KCNMB2: variants seen among roughly 807,000 people sequenced by gnomAD.
KCNMB2 encodes calcium-activated potassium channel subunit beta-2.
KCNMB2 carries 9 observed loss-of-function variants against 24.5 expected under a neutral mutation model. The observed-to-expected ratio is 0.37, with a 90% CI of 0.22 to 0.64. KCNMB2 has a LOEUF of 0.64. Among genes scored for constraint, KCNMB2 ranks in the 30% least tolerant of loss-of-function variants. KCNMB2 has a pLI of 0.63. For missense variants in KCNMB2, 226 were observed against 284.3 expected, an observed-to-expected ratio of 0.79 and a Z score of 1.47; for synonymous variants, 109 against 104.4, an observed-to-expected ratio of 1.04 and a Z score of -0.27.
At chr3:178,717,105 T>C (rs1409039745) in intron 1 of KCNMB2, among the ~76,000 whole-genome samples, 1 of 150,392 alleles carries the variant, frequency 6.6e-6, no homozygotes, top group Non-Finnish European at 1.5e-5. Context: ...TAACCTAAAA[T>C]AAGTATATGT....
At chr3:178,632,629 A>G (rs990059068) in intron 1 of KCNMB2, among the ~76,000 whole-genome samples, 1 of 152,148 alleles carries the variant, frequency 6.6e-6, no homozygotes, top group African/African-American at 2.4e-5. Context: ...CATGGGGATT[A>G]CGGGAACTAC....
chr3:178,785,332 C>T (rs1713056948), intron 1 of KCNMB2, among the ~76,000 whole-genome samples: 2 of 151,756 alleles, frequency 1.3e-5, no homozygotes, highest in Admixed American at 6.6e-5. Context: ...TCTAATAATA[C>T]AATTTAAAAT....
intron 1 of KCNMB2, among the ~76,000 whole-genome samples, chr3:178,656,380 A>C (rs2108565994): frequency 6.6e-6 from 1 of 152,364 alleles, no homozygotes; most frequent in Admixed American, 6.5e-5. Flanking sequence ...TTATCACCTG[A>C]GAATTCTTCT....
chr3:178,667,648 C>A (rs993115222), intron 1 of KCNMB2, among the ~76,000 whole-genome samples: 3 of 152,078 alleles, frequency 2.0e-5, no homozygotes, highest in Non-Finnish European at 4.4e-5. Flanking sequence ...AAAAAAGAGG[C>A]TTTAGAAGAA....
intron 1 of KCNMB2, among the ~76,000 whole-genome samples, chr3:178,545,456 C>T (rs1174430011): frequency 6.6e-6 from 1 of 152,170 alleles, no homozygotes; most frequent in Non-Finnish European, 1.5e-5. Flanking sequence ...AAATATCTCT[C>T]AAAGTAAAAC....
intron 1 of KCNMB2, among the ~76,000 whole-genome samples, chr3:178,620,973 T>A (rs934766214): frequency 1.3e-5 from 2 of 152,210 alleles, no homozygotes; most frequent in African/African-American, 4.8e-5. Flanking sequence ...TATCACTGTA[T>A]GCTTGGCTAA....
chr3:178,643,825 T>A (rs1332096617), intron 1 of KCNMB2, among the ~76,000 whole-genome samples: 1 of 152,220 alleles, frequency 6.6e-6, no homozygotes, highest in African/African-American at 2.4e-5. Context: ...CCTGTTGTGA[T>A]ACCACTTCCC....
In KCNMB2 at chr3:178,658,718, C is replaced by T. The variant is rs554348162; in HGVS notation, c.-68+122007C>T. 3.3e-5 allele frequency among the ~76,000 whole-genome samples: 5 copies of T among 152,316 alleles called. No homozygotes were observed. The East Asian group carries it at 7.7e-4, about 23-fold the overall frequency. ...AGGGCCATGCCTTCTGCTTTCTTTA[C>T]TTCATCCAGACTCCTCTAGCTAGTA... On this transcript the variant is annotated intron_variant, in intron 1 of 4. Transcript: ENST00000452583.
chr3:178,662,956 C>T (rs1720588180), intron 1 of KCNMB2, among the ~76,000 whole-genome samples: 1 of 152,070 alleles, frequency 6.6e-6, no homozygotes. Flanking sequence ...AACACAGTAG[C>T]TTAAAACAAT....
intron 1 of KCNMB2, among the ~76,000 whole-genome samples, chr3:178,794,109 G>A (rs1302611153): frequency 6.6e-6 from 1 of 152,138 alleles, no homozygotes; most frequent in Non-Finnish European, 1.5e-5. Context: ...GTACAGAGGT[G>A]AACACTAAGG....
chr3:178,634,193 G>T (rs766002913), intron 1 of KCNMB2, among the ~76,000 whole-genome samples: 1 of 152,104 alleles, frequency 6.6e-6, no homozygotes. Flanking sequence ...CCCTTCAAAT[G>T]GTTCCCACCT....
chr3:178,557,943 C>T (rs572190362), intron 1 of KCNMB2, among the ~76,000 whole-genome samples: 1 of 152,300 alleles, frequency 6.6e-6, no homozygotes, highest in South Asian at 2.1e-4. Flanking sequence ...GTGCCTTCAG[C>T]TCCTGCACAC....
At chr3:178,632,141 A>C (rs1407017863) in intron 1 of KCNMB2, among the ~76,000 whole-genome samples, 1 of 152,240 alleles carries the variant, frequency 6.6e-6, no homozygotes. Context: ...GGAAATGTAC[A>C]TATCTCAACA....
At chr3:178,698,744 G>A (rs900185875) in intron 1 of KCNMB2, among the ~76,000 whole-genome samples, 3 of 152,056 alleles carry the variant, frequency 2.0e-5, no homozygotes, top group African/African-American at 7.2e-5. Context: ...CATCTTTGTG[G>A]GTTTATCTAC....
chr3:178,767,710 C>T (rs565129719), intron 1 of KCNMB2, among the ~76,000 whole-genome samples: 1 of 152,276 alleles, frequency 6.6e-6, no homozygotes, highest in South Asian at 2.1e-4. Flanking sequence ...GTGAGTGGGA[C>T]TATTTGAGGT....
At chr3:178,648,492 T>C (rs2108556396) in intron 1 of KCNMB2, among the ~76,000 whole-genome samples, 1 of 152,316 alleles carries the variant, frequency 6.6e-6, no homozygotes, top group South Asian at 2.1e-4. Context: ...CTGTGAGCTA[T>C]GATCATGCCA....
chr3:178,551,918 T>A (rs936305659), intron 1 of KCNMB2, among the ~76,000 whole-genome samples: 1 of 152,144 alleles, frequency 6.6e-6, no homozygotes, highest in African/African-American at 2.4e-5. Flanking sequence ...TTTGACACAC[T>A]TTCTCCCTAG....
chr3:178,646,645 G>A (rs1455851622), intron 1 of KCNMB2, among the ~76,000 whole-genome samples: 1 of 152,200 alleles, frequency 6.6e-6, no homozygotes, highest in Non-Finnish European at 1.5e-5. Flanking sequence ...CTGAGAATTA[G>A]TTAGGACTAC....
intron 1 of KCNMB2, among the ~76,000 whole-genome samples, chr3:178,792,810 T>C (rs1184108832): frequency 1.3e-5 from 2 of 152,214 alleles, no homozygotes; most frequent in African/African-American, 4.8e-5. Context: ...CAAAAACTAG[T>C]GATGGACTAA....
Sources: allele counts gnomAD v4.1 joint callset (sites outside exome capture counted in the v4.1 genomes callset), GRCh38; gene constraint gnomAD v4.1.1; transcripts MANE v1.5; gene names NCBI Gene and HGNC (gene_info 2026-07-23, HGNC 2026-07-21).